Variants in CDYL observed in about 807,000 individuals in gnomAD.
CDYL encodes the protein chromodomain Y like.
Under a neutral mutation model 47.3 loss-of-function variants are expected in CDYL, and 8 were observed. The ratio of observed to expected loss-of-function variants is 0.17; its 90% CI spans 0.10 to 0.31. CDYL has a LOEUF of 0.31. Among genes scored for constraint, CDYL ranks in the 10% least tolerant of loss-of-function variants. The pLI is 1.00. For synonymous variants in CDYL, 266 were observed against 265.0 expected (o/e 1.00, Z -0.04); for missense variants, 471 against 701.4 (o/e 0.67, Z 3.71).
At chr6:4,851,645 T>G (rs77829874) in intron 1 of CDYL, among the ~76,000 whole-genome samples, 12,466 of 152,294 alleles carry the variant, frequency 0.082, 626 homozygotes, top group South Asian at 0.14. Flanking sequence ...CACCGTTTAA[T>G]TCTTCACTGC....
At chr6:4,856,707 A>T (rs921987574) in intron 1 of CDYL, among the ~76,000 whole-genome samples, 1 of 152,134 alleles carries the variant, frequency 6.6e-6, no homozygotes, top group African/African-American at 2.4e-5. Flanking sequence ...CCAGCCCAGA[A>T]CTCTGATGGG....
intron 3 of CDYL, among the ~76,000 whole-genome samples, chr6:4,737,624 A>C (rs1253149676): frequency 6.6e-6 from 1 of 151,374 alleles, no homozygotes; most frequent in Non-Finnish European, 1.5e-5. Context: ...TCCGTCTCAA[A>C]AAAAAAAAAA....
intron 3 of CDYL, among the ~76,000 whole-genome samples, chr6:4,751,636 C>G (rs1461138343): frequency 1.3e-5 from 2 of 152,192 alleles, no homozygotes; most frequent in East Asian, 3.9e-4. Flanking sequence ...CATAATACAT[C>G]CCCCATTCAG....
chr6:4,732,646 G>C (rs573619004), intron 2 of CDYL, among the ~76,000 whole-genome samples: 1 of 134,674 alleles, frequency 7.4e-6, no homozygotes, highest in Admixed American at 8.0e-5. Flanking sequence ...CTGGGCAACA[G>C]AGAGAGATCC....
At chr6:4,775,725 G>A (rs1211895686), upstream of CDYL, among the ~76,000 whole-genome samples, 3 of 147,956 alleles carry the variant, frequency 2.0e-5, no homozygotes, top group Admixed American at 2.0e-4. This position sits in a 1 kb window ranked among gnomAD's most constrained non-coding sequence, Gnocchi z 7.0. Context: ...GGGCCACCCC[G>A]CGGGGCGCGC....
intron 5 of CDYL, among the ~76,000 whole-genome samples, chr6:4,945,605 C>T (rs1758489007): frequency 6.6e-6 from 1 of 152,244 alleles, no homozygotes. Flanking sequence ...AGGAGAGGAA[C>T]AAGCAGCACC....
Position 4,856,174 on chromosome 6 carries a change from G to A in CDYL, c.25-35539G>A, listed in dbSNP as rs547482042. Among the ~76,000 whole-genome samples, 3 of 152,308 alleles carry A rather than the reference G, an allele frequency of 2.0e-5. No individual in the cohort carries two copies. In the East Asian group the frequency reaches 5.8e-4, roughly 29 times the overall value. ...AACAAACAAAAGTTCCAGCCTTCTA[G>A]TAGAGGAGAGGGGCATCACATGAGA... On this transcript the variant is annotated intron_variant, in intron 1 of 6. Coordinates refer to ENST00000397588, the MANE Select transcript of CDYL (RefSeq NM_004824.4).
At chr6:4,847,548 G>A (rs937062527) in intron 1 of CDYL, among the ~76,000 whole-genome samples, 1 of 152,206 alleles carries the variant, frequency 6.6e-6, no homozygotes, top group Non-Finnish European at 1.5e-5. Context: ...GATGGTATAA[G>A]ATTCAAGTTA....
In CDYL at chr6:4,910,058, A is replaced by T. The variant is rs190385376; in HGVS notation, c.691+17679A>T. Among the ~76,000 whole-genome samples, 956 of 147,302 alleles carry T rather than the reference A, an allele frequency of 6.5e-3. 11 individuals carry two copies. The highest frequency in any genetic ancestry group is 0.023 in the African/African-American group (916 of 39,640). ...ACCTTTTTTTTTTTTAATCTGGTTG[A>T]CCTCTTATCCTTCTGGCCTCAGCAC... On this transcript the variant is annotated intron_variant, in intron 2 of 6. Coordinates refer to ENST00000397588, the MANE Select transcript of CDYL (RefSeq NM_004824.4).
chr6:4,826,569 A>G (rs529152362), intron 1 of CDYL, among the ~76,000 whole-genome samples: 6 of 152,172 alleles, frequency 3.9e-5, no homozygotes, highest in Admixed American at 2.6e-4. Flanking sequence ...ATGCATCCCT[A>G]AGTGTCTTCT....
intron 1 of CDYL, among the ~76,000 whole-genome samples, chr6:4,865,917 C>G (rs1761306937): frequency 6.6e-6 from 1 of 152,122 alleles, no homozygotes; most frequent in Non-Finnish European, 1.5e-5. Context: ...ATTTGAACAG[C>G]TACAGTTTTA....
At chr6:4,726,002 G>A (rs895398252) in intron 2 of CDYL, among the ~76,000 whole-genome samples, 1 of 151,996 alleles carries the variant, frequency 6.6e-6, no homozygotes, top group East Asian at 1.9e-4. Context: ...GACTTGCTAA[G>A]GGCGACTGAA....
intron 2 of CDYL, among the ~76,000 whole-genome samples, chr6:4,915,089 G>C (rs549179560): frequency 1.3e-5 from 2 of 152,316 alleles, no homozygotes; most frequent in East Asian, 3.9e-4. Flanking sequence ...GTGTTGTTAG[G>C]CATAACCACA....
intron 3 of CDYL, among the ~76,000 whole-genome samples, chr6:4,739,093 G>A (rs1261757055): frequency 7.3e-5 from 11 of 151,718 alleles, no homozygotes; most frequent in Admixed American, 2.0e-4. Flanking sequence ...CCTGGGAGGC[G>A]GAGGTTGCAG....
Position 4,918,382 on chromosome 6 carries a change from T to C in CDYL, c.692-17133T>C, listed in dbSNP as rs575044603. ...GGGTGATGTTCTGCCCCCCCCCCTT[T>C]TTTTTGGCACTTTGAGGTGACATTA... is the stretch of plus-strand genomic sequence containing the variant. On this transcript the variant is annotated intron_variant, in intron 2 of 6. Transcript: ENST00000397588. Among the ~76,000 whole-genome samples the C allele has an allele frequency of 7.2e-5, 11 of 151,944 alleles. No homozygotes were observed. In the East Asian group the frequency reaches 1.6e-3, roughly 22 times the overall value.
intron 3 of CDYL, among the ~76,000 whole-genome samples, chr6:4,758,351 A>AAAATATATATATATATATAT (rs1554134098): frequency 3.1e-5 from 4 of 129,074 alleles, no homozygotes; most frequent in African/African-American, 1.2e-4. Context: ...AAAATAAATA[A>AAAATATATATATATATATAT]ATATATATAT....
At chr6:4,794,203 A>C (rs1469293011) in intron 1 of CDYL, among the ~76,000 whole-genome samples, 1 of 152,118 alleles carries the variant, frequency 6.6e-6, no homozygotes, top group African/African-American at 2.4e-5. Context: ...CGGGGAGATA[A>C]GAGACACAGT....
intron 1 of CDYL, among the ~76,000 whole-genome samples, chr6:4,828,457 A>G (rs539864276): frequency 6.6e-6 from 1 of 151,844 alleles, no homozygotes; most frequent in African/African-American, 2.4e-5. Flanking sequence ...ATTGATTTCT[A>G]CCTTCCATGA....
At chr6:4,730,511 C>T (rs1757584386) in intron 2 of CDYL, among the ~76,000 whole-genome samples, 1 of 151,894 alleles carries the variant, frequency 6.6e-6, no homozygotes, top group Admixed American at 6.6e-5. Context: ...CCCGTCTCTA[C>T]TAAAAATACA....
Sources: gnomAD v4.1 joint callset for allele counts (sites outside exome capture counted in the v4.1 genomes callset) on GRCh38, gnomAD v4.1.1 for gene constraint, Gnocchi (gnomAD v3.1) non-coding constraint, MANE v1.5 for transcripts, NCBI Gene and HGNC (gene_info 2026-07-23, HGNC 2026-07-21) for gene names.